The following ROBO2 variants were observed in gnomAD, a reference collection of about 807,000 sequenced individuals.
ROBO2 encodes roundabout guidance receptor 2.
ROBO2 carries 53 observed loss-of-function variants against 160.8 expected under a neutral mutation model. That is an observed-to-expected ratio of 0.33 (90% CI 0.26 to 0.41). The LOEUF (loss-of-function observed/expected upper bound fraction) is 0.41. Ranked by LOEUF, ROBO2 falls within the 10% of genes least tolerant of loss-of-function variation. The pLI is 1.00. For missense variants in ROBO2, 1,577 were observed against 1,722.4 expected (o/e 0.92, Z 1.49); for synonymous variants, 664 against 611.7 (o/e 1.09, Z -1.26).
intron 2 of ROBO2, among the ~76,000 whole-genome samples, chr3:76,664,433 A>G (rs1442610456): frequency 6.6e-6 from 1 of 152,218 alleles, no homozygotes; most frequent in Non-Finnish European, 1.5e-5. Flanking sequence ...TTTAGAAGGA[A>G]GTATACCAAG....
intron 2 of ROBO2, among the ~76,000 whole-genome samples, chr3:76,224,394 G>A (rs1704157350): frequency 6.6e-6 from 1 of 152,142 alleles, no homozygotes; most frequent in Admixed American, 6.6e-5. Flanking sequence ...CCAAGAACTG[G>A]TAACTTCAAG....
chr3:75,967,863 A>T (rs1381079690), intron 2 of ROBO2, among the ~76,000 whole-genome samples: 1 of 151,482 alleles, frequency 6.6e-6, no homozygotes, highest in African/African-American at 2.4e-5. Flanking sequence ...AAAAACAGTA[A>T]CTAGGATGCC....
At position 76,236,246 on chromosome 3, in the gene ROBO2, A is replaced by T. The variant is rs372009986; in HGVS notation, c.109+298644A>T. ...TTTTAAAGTGTAAATAACTAAAAAC[A>T]TTCTAATTATTACAAAGCATGTTTT... On this transcript the variant is annotated intron_variant, in intron 2 of 26. Transcript: ENST00000487694. 2.7e-4 allele frequency among the ~76,000 whole-genome samples: 41 copies of T among 152,266 alleles called. 1 individual carries two copies. The highest frequency in any genetic ancestry group is 7.0e-4 in the African/African-American group (29 of 41,586).
intron 25 of ROBO2, among the ~76,000 whole-genome samples, chr3:77,645,820 C>T (rs1351126919): frequency 2.6e-5 from 4 of 152,072 alleles, no homozygotes; most frequent in African/African-American, 9.7e-5. Flanking sequence ...ATGACAGACT[C>T]ACAGGAGTAC....
At chr3:76,978,348 T>C (rs943104655) in intron 2 of ROBO2, among the ~76,000 whole-genome samples, 1 of 152,166 alleles carries the variant, frequency 6.6e-6, no homozygotes, top group African/African-American at 2.4e-5. Flanking sequence ...TTATTTAAAA[T>C]AAAGCACTTT....
chr3:76,304,496 A>G (rs1333847050), intron 2 of ROBO2, among the ~76,000 whole-genome samples: 1 of 152,210 alleles, frequency 6.6e-6, no homozygotes, highest in Non-Finnish European at 1.5e-5. Flanking sequence ...TGCTAATGCT[A>G]ATTTACTACT....
At chr3:76,225,168 T>C (rs1306065600) in intron 2 of ROBO2, among the ~76,000 whole-genome samples, 1 of 151,994 alleles carries the variant, frequency 6.6e-6, no homozygotes, top group Admixed American at 6.6e-5. Context: ...TCACTGAGGG[T>C]CTATAACAAA....
intron 2 of ROBO2, among the ~76,000 whole-genome samples, chr3:76,185,603 G>T (rs1354964550): frequency 6.6e-6 from 1 of 151,898 alleles, no homozygotes; most frequent in East Asian, 1.9e-4. Flanking sequence ...AAAGATCAAA[G>T]GTGCTTCTGA....
At chr3:76,865,131 T>C (rs1168370922) in intron 2 of ROBO2, among the ~76,000 whole-genome samples, 1 of 151,850 alleles carries the variant, frequency 6.6e-6, no homozygotes, top group Non-Finnish European at 1.5e-5. Context: ...TTCTTTTCTT[T>C]CTAAAAAAAA....
intron 2 of ROBO2, among the ~76,000 whole-genome samples, chr3:77,283,854 T>G (rs2060407485): frequency 1.3e-5 from 2 of 152,220 alleles, no homozygotes; most frequent in East Asian, 1.9e-4. Flanking sequence ...CGCAATGCAC[T>G]GACAGAATCC....
chr3:77,644,762 A>G, exon 25 of ROBO2: 2 of 1,613,718 alleles, frequency 1.2e-6, no homozygotes, highest in Non-Finnish European at 1.7e-6. Context: ...GCCACAGCTC[A>G]TCAGGAACAG....
chr3:77,128,888 A>G (rs1276532841), intron 2 of ROBO2, among the ~76,000 whole-genome samples: 1 of 152,222 alleles, frequency 6.6e-6, no homozygotes, highest in Non-Finnish European at 1.5e-5. Flanking sequence ...CCATCAAAAA[A>G]TATCTGAAAA....
At chr3:76,147,446 A>G (rs2071956827) in intron 2 of ROBO2, among the ~76,000 whole-genome samples, 1 of 151,938 alleles carries the variant, frequency 6.6e-6, no homozygotes. Context: ...TTATATTACA[A>G]TCTTTATTTA....
intron 2 of ROBO2, among the ~76,000 whole-genome samples, chr3:76,672,747 G>C (rs1482233736): frequency 6.6e-6 from 1 of 152,128 alleles, no homozygotes; most frequent in Admixed American, 6.6e-5. Flanking sequence ...TGAACAGTAA[G>C]CAGGTTATGC....
chr3:76,342,496 T>G (rs2074288485), intron 2 of ROBO2, among the ~76,000 whole-genome samples: 1 of 152,066 alleles, frequency 6.6e-6, no homozygotes, highest in Non-Finnish European at 1.5e-5. Context: ...GGAACCCAAC[T>G]TTTTTATGAA....
chr3:76,373,986 TA>T (rs1559842255), intron 2 of ROBO2, among the ~76,000 whole-genome samples: 1 of 151,912 alleles, frequency 6.6e-6, no homozygotes, highest in African/African-American at 2.4e-5. Flanking sequence ...TCCAACAGTC[TA>T]GGGAGAGTTT....
chr3:76,264,427 T>C (rs1706969731), intron 2 of ROBO2, among the ~76,000 whole-genome samples: 1 of 151,992 alleles, frequency 6.6e-6, no homozygotes, highest in Admixed American at 6.6e-5. Context: ...GCTCCTACTT[T>C]ATAGTACATT....
At chr3:77,180,416 C>CTCTCTCTCTCTCTATATATA (rs1433740534) in intron 2 of ROBO2, among the ~76,000 whole-genome samples, 156 of 90,686 alleles carry the variant, frequency 1.7e-3, no homozygotes, top group Non-Finnish European at 2.2e-3. Context: ...CTCTCTCTCT[C>CTCTCTCTCTCTCTATATATA]TATATATATA....
chr3:76,264,998 T>C (rs562994260), intron 2 of ROBO2, among the ~76,000 whole-genome samples: 5 of 152,164 alleles, frequency 3.3e-5, no homozygotes, highest in Non-Finnish European at 5.9e-5. Context: ...CCACCTTGTG[T>C]TGAAACACTA....
Sources: gnomAD v4.1 joint callset for allele counts (sites outside exome capture counted in the v4.1 genomes callset) on GRCh38, gnomAD v4.1.1 for gene constraint, MANE v1.5 for transcripts, NCBI Gene and HGNC (gene_info 2026-07-23, HGNC 2026-07-21) for gene names.